Variants in KLHL5 observed in about 807,000 individuals in gnomAD.
The protein encoded by KLHL5 is kelch like family member 5, also known as kelch-like protein 5.
KLHL5 carries 48 observed loss-of-function variants against 77.7 expected under a neutral mutation model. That is an observed-to-expected ratio of 0.62 (90% confidence interval 0.49 to 0.79). The LOEUF is 0.79. KLHL5 is among the 30% of genes least tolerant of loss of function. KLHL5 has a pLI of 0.00. For missense variants in KLHL5, 723 were observed against 859.7 expected (o/e 0.84, Z 1.99); for synonymous variants, 260 against 297.0 (o/e 0.88, Z 1.28).
chr4:39,104,123 T>C (rs1052742188), intron 7 of KLHL5, among the ~76,000 whole-genome samples: 1 of 151,872 alleles, frequency 6.6e-6, no homozygotes, highest in Non-Finnish European at 1.5e-5. Context: ...TCTCTAGGGA[T>C]GAAGATTGAA....
downstream of KLHL5, among the ~76,000 whole-genome samples, chr4:39,126,260 TA>T (rs2109650607): frequency 6.6e-6 from 1 of 152,378 alleles, no homozygotes; most frequent in African/African-American, 2.4e-5. Context: ...TAATATTTTT[TA>T]TTTTTTAACT....
At chr4:39,065,751 A>G (rs926599145) in intron 1 of KLHL5, among the ~76,000 whole-genome samples, 1 of 130,212 alleles carries the variant, frequency 7.7e-6, no homozygotes, top group East Asian at 2.3e-4. Flanking sequence ...TTCTGAGCAT[A>G]CTACAGATTG....
In KLHL5 at chr4:39,081,129, A is replaced by G; in HGVS notation, c.593A>G (p.Tyr198Cys). ...HRLVLSSVSD[Y>C]FAAMFTNDVR... ...TTGGTGCTCTCCTCTGTCTCAGACT[A>G]TTTTGCTGCCATGTTTACTAATGAT... The change falls in exon 3 of 11, where the codon TAT (tyrosine) becomes TGT (cysteine). Residue 198 changes from tyrosine to cysteine, a missense_variant. Physicochemically the swap from Tyr to Cys is radical, Grantham distance 194 (BLOSUM62 -2). Around this residue, in one of 3 missense-constraint regions of KLHL5, gnomAD observed 288 missense variants for 400.3 expected, o/e 0.72. Transcript: ENST00000504108. This position sits in a 1 kb window ranked among gnomAD's most constrained non-coding sequence, Gnocchi z 4.3. The G allele has an allele frequency of 1.2e-6, 2 of 1,612,418 alleles. No individual in the cohort carries two copies. Among genetic ancestry groups the G allele is most frequent in the Non-Finnish European group, 1.7e-6 (2 of 1,179,616 alleles).
In KLHL5 at chr4:39,062,955, C is replaced by A. The variant is rs751133176; in HGVS notation, c.303C>A (p.Gly101=). The A allele has an allele frequency of 1.2e-6, 2 of 1,613,942 alleles. No homozygotes were observed. The highest frequency in any genetic ancestry group is 1.1e-5 in the South Asian group (1 of 91,090). Residue 101 remains glycine, a synonymous_variant, in exon 1 of 11, where the codon GGC becomes GGA. Transcript: ENST00000504108. ...PAFEFTAEDC[G]GAHWLDRPEV... ...TTGAGTTTACAGCAGAAGATTGTGGCGGTGCACATTGGCTGGATAGACCAG... is the reference window on the plus strand; with the variant it reads ...TTGAGTTTACAGCAGAAGATTGTGGAGGTGCACATTGGCTGGATAGACCAG...
At chr4:39,048,300 C>T (rs912532979) in intron 1 of KLHL5, among the ~76,000 whole-genome samples, 1 of 151,926 alleles carries the variant, frequency 6.6e-6, no homozygotes, top group South Asian at 2.1e-4. Flanking sequence ...TAATGAGGGG[C>T]ACTTCCATTC....
intron 1 of KLHL5, among the ~76,000 whole-genome samples, chr4:39,074,672 C>T (rs1439934846): frequency 6.6e-6 from 1 of 152,064 alleles, no homozygotes; most frequent in East Asian, 1.9e-4. Flanking sequence ...TGGCAAGGCA[C>T]TTAATCTCCT....
Position 39,062,245 on chromosome 4 carries a change from T to C in KLHL5, c.-408T>C, listed in dbSNP as rs1049885046. The C allele has an allele frequency of 5.6e-6, 7 of 1,258,922 alleles. No homozygotes were observed. Among genetic ancestry groups the C allele is most frequent in the Non-Finnish European group, 7.0e-6 (7 of 998,948 alleles). 78.0% of individuals were successfully genotyped at this position (1,258,922 alleles called of 1,614,324 possible). A position where few individuals can be genotyped will look rare whatever the true frequency, so the allele number is the denominator to read the frequency against. On this transcript the variant is annotated 5_prime_UTR_variant, in exon 1 of 11. Coordinates refer to ENST00000504108, the MANE Select transcript of KLHL5 (RefSeq NM_015990.5). Reference sequence around the variant, plus strand: ...AGAGACTGAGATACTGCAACGGGGATAGTGTTTTCTGTCTCTGTCATTTGT... The same window carrying C: ...AGAGACTGAGATACTGCAACGGGGACAGTGTTTTCTGTCTCTGTCATTTGT...
intron 10 of KLHL5, among the ~76,000 whole-genome samples, chr4:39,118,756 CA>C (rs1040948148): frequency 6.8e-4 from 95 of 140,452 alleles, no homozygotes; most frequent in Middle Eastern, 3.5e-3. Context: ...AACTCCCTCT[CA>C]AAAAAAAAAA....
At chr4:39,045,867 C>A (rs1347702033) in intron 1 of KLHL5, among the ~76,000 whole-genome samples, 1 of 151,132 alleles carries the variant, frequency 6.6e-6, no homozygotes, top group African/African-American at 2.4e-5. Flanking sequence ...TGTCTTCTTC[C>A]AGAGGTTAGA....
At chr4:39,090,701 G>A (rs1420664734) in intron 5 of KLHL5, among the ~76,000 whole-genome samples, 2 of 151,974 alleles carry the variant, frequency 1.3e-5, no homozygotes, top group African/African-American at 2.4e-5. Flanking sequence ...CACCCACCTC[G>A]GCCTCCCAAA....
At chr4:39,066,895 C>T (rs1367296) in intron 1 of KLHL5, among the ~76,000 whole-genome samples, 70,103 of 152,032 alleles carry the variant, frequency 0.46, 17,002 homozygotes, top group Middle Eastern at 0.56. Flanking sequence ...AGTAAAATAG[C>T]TGCATTTTTT....
chr4:39,086,869 T>G, intron 5 of KLHL5, 142 bp downstream of exon 5: 1 of 575,640 alleles, frequency 1.7e-6, no homozygotes, highest in African/African-American at 1.9e-5. Context: ...GTCCAGAAGA[T>G]CTGGCTACTT....
Position 39,115,283 on chromosome 4 carries a change from C to A in KLHL5, c.2026C>A (p.Leu676Ile). 6.2e-7 allele frequency: 1 copy of A among 1,613,896 alleles called. No homozygotes were observed. ...AVGGYDGQAY[L>I]NTVEAYDPQT... ...TGGGGGGTATGATGGACAGGCATAC[C>A]TTAATACTGTGGAGGCTTATGATCC... The change falls in exon 10 of 11, where the codon CTT (leucine) becomes ATT (isoleucine). Residue 676 changes from leucine (L) to isoleucine (I), a missense_variant. Transcript: ENST00000504108.
intron 4 of KLHL5, among the ~76,000 whole-genome samples, chr4:39,083,983 A>G (rs1719836934): frequency 6.6e-6 from 1 of 152,230 alleles, no homozygotes; most frequent in African/African-American, 2.4e-5. Flanking sequence ...TAAGTAATTT[A>G]GAGGCAGCTT....
chr4:39,112,214 G>C (rs895491856), intron 8 of KLHL5, among the ~76,000 whole-genome samples: 3 of 152,160 alleles, frequency 2.0e-5, no homozygotes, highest in African/African-American at 7.2e-5. Flanking sequence ...AATTAGTGCA[G>C]TGTATTGATT....
chr4:39,096,000 G>T (rs1052919362), intron 5 of KLHL5, among the ~76,000 whole-genome samples: 2 of 151,860 alleles, frequency 1.3e-5, no homozygotes, highest in Non-Finnish European at 2.9e-5. Context: ...GGATGGGGAG[G>T]GGCAATGGAG....
chr4:39,132,750 C>T, the KLHL5 span, among the ~76,000 whole-genome samples: 6 of 152,090 alleles, frequency 3.9e-5, no homozygotes, highest in African/African-American at 1.4e-4. Context: ...ACAAGGGAAA[C>T]GCCCTAGCTA....
At chr4:39,109,071 CTCTAA>C (rs1477162092) in intron 8 of KLHL5, among the ~76,000 whole-genome samples, 1 of 152,050 alleles carries the variant, frequency 6.6e-6, no homozygotes, top group African/African-American at 2.4e-5. Flanking sequence ...AGCTAAGGAT[CTCTAA>C]TCTACTAACT....
chr4:39,053,900 C>T (rs1716831099), intron 1 of KLHL5, among the ~76,000 whole-genome samples: 1 of 152,138 alleles, frequency 6.6e-6, no homozygotes, highest in Non-Finnish European at 1.5e-5. Context: ...GAAACAGCAG[C>T]AGCAATTGGG....
Sources: gnomAD v4.1 joint callset for allele counts (sites outside exome capture counted in the v4.1 genomes callset) on GRCh38, gnomAD v4.1.1 for gene constraint, gnomAD v4.1.1 regional missense constraint, Gnocchi (gnomAD v3.1) non-coding constraint, MANE v1.5 for transcripts, NCBI Gene and HGNC (gene_info 2026-07-23, HGNC 2026-07-21) for gene names.